SLC25A16: variants seen among roughly 807,000 people sequenced by gnomAD.
The protein encoded by SLC25A16 is mitochondrial coenzyme A transporter SLC25A16.
Under a neutral mutation model 41.5 loss-of-function variants are expected in SLC25A16, and 39 were observed. The ratio of observed to expected loss-of-function variants is 0.94; its 90% confidence interval spans 0.73 to 1.23. SLC25A16 has a LOEUF of 1.23. Ranked by LOEUF, SLC25A16 falls within the 50% of genes most tolerant of loss-of-function variation. The pLI is 0.00. For synonymous variants in SLC25A16, 146 were observed against 147.8 expected (o/e 0.99, Z 0.09); for missense variants, 421 against 426.9 (o/e 0.99, Z 0.12).
intron 3 of SLC25A16, among the ~76,000 whole-genome samples, chr10:68,505,097 G>A (rs776523323): frequency 1.4e-4 from 21 of 152,150 alleles, no homozygotes; most frequent in Non-Finnish European, 2.5e-4. Context: ...CCAGGAGTTC[G>A]AGACTAGCAT....
rs572425349 is a variant in SLC25A16 at position 68,520,247 on chromosome 10, G to A, written c.131-3404C>T. Among the ~76,000 whole-genome samples the A allele has an allele frequency of 2.0e-4, 31 of 151,276 alleles. 1 individual carries two copies. The East Asian group carries it at 4.2e-3, about 20-fold the overall frequency. ...ACTGGGATTACAGGCATGAGCCACC[G>A]CACCCAGCCTATTTAATAGTATCTT... On this transcript the variant is annotated intron_variant, in intron 1 of 8. Coordinates refer to ENST00000609923, the MANE Select transcript of SLC25A16 (RefSeq NM_152707.4).
chr10:68,515,307 A>G (rs2053142409), intron 2 of SLC25A16, among the ~76,000 whole-genome samples: 1 of 149,518 alleles, frequency 6.7e-6, no homozygotes, highest in African/African-American at 2.5e-5. Flanking sequence ...TGGTGAGCCG[A>G]GATAGCGCCA....
At chr10:68,514,946 C>G (rs1219192293) in intron 2 of SLC25A16, among the ~76,000 whole-genome samples, 1 of 151,696 alleles carries the variant, frequency 6.6e-6, no homozygotes, top group African/African-American at 2.4e-5. Context: ...CCATGTTGGC[C>G]AAGCTGATCT....
intron 1 of SLC25A16, 41 bp downstream of exon 1, chr10:68,527,205 G>A: frequency 1.9e-6 from 3 of 1,540,074 alleles, no homozygotes; most frequent in Admixed American, 2.0e-5. Context: ...TCCTGCCCCC[G>A]CCACTCAGAG....
intron 1 of SLC25A16, among the ~76,000 whole-genome samples, chr10:68,523,086 G>C (rs759814554): frequency 6.6e-6 from 1 of 152,166 alleles, no homozygotes; most frequent in African/African-American, 2.4e-5. Context: ...AGCCAACAAC[G>C]ATAGCTCTTT....
intron 6 of SLC25A16, among the ~76,000 whole-genome samples, chr10:68,492,525 T>C (rs1342088364): frequency 6.6e-6 from 1 of 151,976 alleles, no homozygotes. Flanking sequence ...TCCCAGCACT[T>C]TGGGAGGCCA....
chr10:68,485,307 G>T (rs2052540561), intron 8 of SLC25A16, among the ~76,000 whole-genome samples: 1 of 152,134 alleles, frequency 6.6e-6, no homozygotes, highest in African/African-American at 2.4e-5. Flanking sequence ...GACCAGGATG[G>T]TCTTGATCTC....
chr10:68,500,626 AG>A (rs2052825486), intron 4 of SLC25A16, among the ~76,000 whole-genome samples: 1 of 150,694 alleles, frequency 6.6e-6, no homozygotes, highest in Non-Finnish European at 1.5e-5. Context: ...AATTTTTAAC[AG>A]GAGGATTAGA....
chr10:68,526,213 G>A (rs1041151406), intron 1 of SLC25A16, among the ~76,000 whole-genome samples: 5 of 151,338 alleles, frequency 3.3e-5, no homozygotes, highest in Non-Finnish European at 5.9e-5. Flanking sequence ...AAACGCGATT[G>A]TATGCTCCAT....
chr10:68,489,854 T>C (rs1338107270), intron 6 of SLC25A16, among the ~76,000 whole-genome samples: 2 of 143,474 alleles, frequency 1.4e-5, no homozygotes, highest in Non-Finnish European at 3.0e-5. Flanking sequence ...TGATCTGAGA[T>C]GGCAACACTG....
At position 68,478,581 on chromosome 10, in the gene SLC25A16, G is replaced by A. The variant is rs2052452792; in HGVS notation, c.*4851C>T. 6.6e-6 allele frequency: 1 copy of A among 151,888 alleles called. No homozygotes were observed. Among genetic ancestry groups the A allele is most frequent in the Admixed American group, 6.6e-5 (1 of 15,236 alleles). 9.4% of individuals were successfully genotyped at this position (151,888 alleles called of 1,614,324 possible). ...AAAAAATGAGACAGAGTCTTGCAAT[G>A]TTGCCCAGGCTGGGCTCGAATGCCT... On this transcript the variant is annotated 3_prime_UTR_variant, in exon 9 of 9. Coordinates refer to ENST00000609923, the MANE Select transcript of SLC25A16 (RefSeq NM_152707.4).
intron 1 of SLC25A16, among the ~76,000 whole-genome samples, chr10:68,526,075 G>GCCCGACA (rs1490607266): frequency 6.6e-6 from 1 of 151,914 alleles, no homozygotes; most frequent in Non-Finnish European, 1.5e-5. Flanking sequence ...ACGTCCCCCA[G>GCCCGACA]CCCGACACCC....
chr10:68,501,027 G>A (rs1042763456), intron 4 of SLC25A16, among the ~76,000 whole-genome samples: 1 of 150,888 alleles, frequency 6.6e-6, no homozygotes, highest in African/African-American at 2.4e-5. Flanking sequence ...CGAGGTGGGC[G>A]AATCACCTGA....
At chr10:68,527,109 AG>A in intron 1 of SLC25A16, 136 bp downstream of exon 1, 2 of 864,082 alleles carry the variant, frequency 2.3e-6, no homozygotes, top group Non-Finnish European at 3.4e-6. Flanking sequence ...AGGTTACAGC[AG>A]GTCAGGGCAG....
rs763494295 is a variant in SLC25A16 at position 68,481,695 on chromosome 10, C to A, written c.*1737G>T. 2 of 152,096 alleles carry A rather than the reference C, an allele frequency of 1.3e-5. No homozygotes were observed. Among genetic ancestry groups the A allele is most frequent in the Non-Finnish European group, 2.9e-5 (2 of 68,072 alleles). 9.4% of individuals were successfully genotyped at this position (152,096 alleles called of 1,614,324 possible). On this transcript the variant is annotated 3_prime_UTR_variant, in exon 9 of 9. Coordinates refer to ENST00000609923, the MANE Select transcript of SLC25A16 (RefSeq NM_152707.4). Reference sequence around the variant, plus strand: ...GTGGTGTGATCTCAGCTCACTGCAACCTCCGCTTCCCGAGCTCAAGCAATT... The same window carrying A: ...GTGGTGTGATCTCAGCTCACTGCAAACTCCGCTTCCCGAGCTCAAGCAATT...
intron 4 of SLC25A16, chr10:68,499,513 C>A (rs751023848): frequency 5.4e-6 from 1 of 184,114 alleles, no homozygotes; most frequent in Admixed American, 5.7e-5. Flanking sequence ...CGGCCATCAC[C>A]GAAGCAGGAG....
chr10:68,497,773 C>T (rs2052775083), intron 4 of SLC25A16, among the ~76,000 whole-genome samples: 1 of 151,908 alleles, frequency 6.6e-6, no homozygotes, highest in Non-Finnish European at 1.5e-5. Context: ...TGCGTCAAGA[C>T]ACCTGCCTAA....
intron 6 of SLC25A16, among the ~76,000 whole-genome samples, chr10:68,491,587 G>C (rs947454264): frequency 1.3e-5 from 2 of 151,960 alleles, no homozygotes; most frequent in Admixed American, 1.3e-4. Flanking sequence ...CACCCAGGAG[G>C]GTGTCCATTC....
chr10:68,504,380 C>T (rs542015600), intron 3 of SLC25A16, among the ~76,000 whole-genome samples: 2 of 151,186 alleles, frequency 1.3e-5, no homozygotes, highest in African/African-American at 4.9e-5. Flanking sequence ...CAAATGGCAT[C>T]AATTCTCTTT....
Sources: allele counts gnomAD v4.1 joint callset (sites outside exome capture counted in the v4.1 genomes callset), GRCh38; gene constraint gnomAD v4.1.1; transcripts MANE v1.5; gene names NCBI Gene and HGNC (gene_info 2026-07-23, HGNC 2026-07-21).